Variants in CUL5 observed in about 807,000 individuals in gnomAD.
CUL5 encodes the protein cullin 5.
Under a neutral mutation model 108.8 loss-of-function variants are expected in CUL5, and 26 were observed. The ratio of observed to expected loss-of-function variants is 0.24; its 90% CI spans 0.18 to 0.33. The LOEUF (loss-of-function observed/expected upper bound fraction) is 0.33, where lower values mean the gene tolerates loss of function less well. CUL5 is among the 10% of genes least tolerant of loss of function. The pLI, the probability that CUL5 is intolerant of heterozygous loss-of-function variation, is 1.00. For synonymous variants in CUL5, 334 were observed against 298.0 expected, an observed-to-expected ratio of 1.12 and a Z score of -1.25; for missense variants, 524 against 909.2, an observed-to-expected ratio of 0.58 and a Z score of 5.45.
chr11:108,053,863 CT>C (rs1420204043), intron 5 of CUL5, among the ~76,000 whole-genome samples: 2 of 150,466 alleles, frequency 1.3e-5, no homozygotes, highest in Non-Finnish European at 3.0e-5. Context: ...CTTTTTTTTT[CT>C]TTTTTTGAGA....
At position 108,105,075 on chromosome 11, in the gene CUL5, T is replaced by C. The variant is rs1440511229; in HGVS notation, c.*691T>C. 1.3e-5 allele frequency: 2 copies of C among 152,486 alleles called. No individual in the cohort carries two copies. The highest frequency in any genetic ancestry group is 2.9e-5 in the Non-Finnish European group (2 of 67,980). 9.4% of individuals were successfully genotyped at this position (152,486 alleles called of 1,614,324 possible). On this transcript the variant is annotated 3_prime_UTR_variant, in exon 19 of 19. Transcript: ENST00000393094. Reference sequence around the variant, plus strand: ...GTTGTTAAATGATGAGGAGTTTTTTTTTTTTTAAATATGGCTGGAAAGCTT... The same window carrying C: ...GTTGTTAAATGATGAGGAGTTTTTTCTTTTTTAAATATGGCTGGAAAGCTT...
intron 7 of CUL5, among the ~76,000 whole-genome samples, chr11:108,058,521 T>G (rs1392806677): frequency 6.6e-6 from 1 of 151,868 alleles, no homozygotes; most frequent in African/African-American, 2.4e-5. Flanking sequence ...GTGCTGGGAT[T>G]ACAGACGTGA....
At chr11:108,057,471 A>C (rs1863414343) in intron 7 of CUL5, among the ~76,000 whole-genome samples, 1 of 152,222 alleles carries the variant, frequency 6.6e-6, no homozygotes, top group South Asian at 2.1e-4. Flanking sequence ...GGACATGCTG[A>C]CATACCCCGT....
At chr11:108,068,118 G>T (rs911936789) in intron 7 of CUL5, among the ~76,000 whole-genome samples, 2 of 151,890 alleles carry the variant, frequency 1.3e-5, no homozygotes, top group African/African-American at 4.8e-5. Context: ...GGGTTTCTCT[G>T]TGTTGGTCAG....
intron 3 of CUL5, among the ~76,000 whole-genome samples, chr11:108,049,052 T>C (rs1042473854): frequency 5.9e-5 from 9 of 152,182 alleles, no homozygotes; most frequent in African/African-American, 2.2e-4. Context: ...TGGGTTGTAG[T>C]ATATTTCATA....
At position 108,088,047 on chromosome 11, in the gene CUL5, G is replaced by GT. The variant is rs923398395; in HGVS notation, c.1179-470dup. Among the ~76,000 whole-genome samples the GT allele has an allele frequency of 6.8e-3, 1,008 of 147,454 alleles. 12 individuals carry two copies. Among genetic ancestry groups the GT allele is most frequent in the African/African-American group, 0.021 (846 of 40,408 alleles). ...ATTGCTTAGGAAGAATTCATTTATA[G>GT]TTTTTTTTTTAATGCATGATGGTAT... is the stretch of plus-strand genomic sequence containing the variant. On this transcript the variant is annotated intron_variant, in intron 11 of 18. Transcript: ENST00000393094.
At chr11:108,073,216 G>GAAGA (rs1190502942) in intron 9 of CUL5, among the ~76,000 whole-genome samples, 174 bp from the exon 10 acceptor site, 1 of 151,162 alleles carries the variant, frequency 6.6e-6, no homozygotes, top group Non-Finnish European at 1.5e-5. Flanking sequence ...AAAAAAAAAG[G>GAAGA]AAGAAAGAAA....
intron 1 of CUL5, among the ~76,000 whole-genome samples, chr11:108,015,237 A>T (rs1862151868): frequency 6.6e-6 from 1 of 152,128 alleles, no homozygotes; most frequent in African/African-American, 2.4e-5. Context: ...CTCTGAGGAG[A>T]TAATAGTTGA....
intron 1 of CUL5, among the ~76,000 whole-genome samples, chr11:108,021,044 A>C (rs1862315362): frequency 6.6e-6 from 1 of 152,216 alleles, no homozygotes; most frequent in South Asian, 2.1e-4. Flanking sequence ...AATTGCCTCC[A>C]GCTTCAGTAC....
chr11:108,081,560 G>T (rs1864084532), intron 11 of CUL5, among the ~76,000 whole-genome samples: 1 of 151,908 alleles, frequency 6.6e-6, no homozygotes, highest in South Asian at 2.1e-4. Flanking sequence ...AGACCATCCT[G>T]GCTAACATGG....
Position 108,011,779 on chromosome 11 carries a change from C to T in CUL5, c.24+2407C>T, listed in dbSNP as rs142812104. On this transcript the variant is annotated intron_variant, in intron 1 of 18. Transcript: ENST00000393094. ...AGTAGCTGGGACTACAGGCGCACGC[C>T]ACCACGCCCAGCTAATTTTTGTATT... Among the ~76,000 whole-genome samples the T allele has an allele frequency of 6.1e-3, 924 of 152,268 alleles. 6 individuals carry two copies. Among genetic ancestry groups the T allele is most frequent in the African/African-American group, 0.021 (885 of 41,546 alleles).
At chr11:108,019,193 T>G (rs1862271460) in intron 1 of CUL5, among the ~76,000 whole-genome samples, 1 of 16,044 alleles carries the variant, frequency 6.2e-5, no homozygotes. Flanking sequence ...GGTATCCCGA[T>G]GGGTGGGGGT....
chr11:108,075,187 C>T (rs532929154), intron 10 of CUL5, among the ~76,000 whole-genome samples: 5 of 148,552 alleles, frequency 3.4e-5, no homozygotes, highest in East Asian at 2.0e-4. Flanking sequence ...AAAAGTAGTT[C>T]GATAATTTTT....
chr11:108,041,773 G>A (rs892108982), intron 2 of CUL5, among the ~76,000 whole-genome samples: 3 of 151,990 alleles, frequency 2.0e-5, no homozygotes, highest in African/African-American at 7.3e-5. Flanking sequence ...CGTATTTTTA[G>A]TGGAGATGGG....
chr11:108,095,170 A>G (rs1416567201), intron 15 of CUL5, among the ~76,000 whole-genome samples, 183 bp downstream of exon 15: 3 of 152,200 alleles, frequency 2.0e-5, no homozygotes, highest in Non-Finnish European at 4.4e-5. Flanking sequence ...ATCATACTTA[A>G]GATACTGCCG....
chr11:108,096,328 T>TA (rs71047670), intron 16 of CUL5, among the ~76,000 whole-genome samples: 16,341 of 119,818 alleles, frequency 0.14, 1,076 homozygotes, highest in Non-Finnish European at 0.16. Context: ...ATCCCATCTC[T>TA]AAAAAAAAAA....
chr11:108,018,949 A>G (rs1862266899), intron 1 of CUL5, among the ~76,000 whole-genome samples: 1 of 152,086 alleles, frequency 6.6e-6, no homozygotes, highest in Admixed American at 6.6e-5. Flanking sequence ...TATATCTATA[A>G]ATAGCAGTGA....
At chr11:108,085,098 A>G (rs988964210) in intron 11 of CUL5, 1 of 152,240 alleles carries the variant, frequency 6.6e-6, no homozygotes, top group Non-Finnish European at 1.5e-5. Context: ...AAATGAAAAC[A>G]TACTTTCATT....
intron 3 of CUL5, among the ~76,000 whole-genome samples, chr11:108,047,977 TA>T (rs1347542297): frequency 2.0e-5 from 3 of 152,130 alleles, no homozygotes; most frequent in African/African-American, 7.2e-5. Flanking sequence ...CATGACTGAA[TA>T]AAGTCTGGAA....
Sources: gnomAD v4.1 joint callset for allele counts (sites outside exome capture counted in the v4.1 genomes callset) on GRCh38, gnomAD v4.1.1 for gene constraint, MANE v1.5 for transcripts, NCBI Gene and HGNC (gene_info 2026-07-23, HGNC 2026-07-21) for gene names.